INVS: variants seen among roughly 807,000 people sequenced by gnomAD.
INVS encodes the protein inversin, also known as inversion of embryo turning homolog.
In INVS, 86 loss-of-function variants were observed where a neutral mutation model predicts 108.8. The ratio of observed to expected loss-of-function variants is 0.79; its 90% CI spans 0.66 to 0.95. The LOEUF is 0.95. Ranked by LOEUF, INVS falls within the 40% of genes least tolerant of loss-of-function variation. The pLI, the probability that INVS is intolerant of heterozygous loss-of-function variation, is 0.00. For missense variants in INVS, 1,169 were observed against 1,297.4 expected, an observed-to-expected ratio of 0.90 and a Z score of 1.52; for synonymous variants, 455 against 473.5, an observed-to-expected ratio of 0.96 and a Z score of 0.51.
At chr9:100,282,241 G>A (rs1238126463) in intron 12 of INVS, among the ~76,000 whole-genome samples, 2 of 152,140 alleles carry the variant, frequency 1.3e-5, no homozygotes, top group African/African-American at 4.8e-5. Context: ...ACACTGAAAT[G>A]GCACCTGCTT....
chr9:100,291,929 A>G (rs1230040835), intron 13 of INVS, among the ~76,000 whole-genome samples: 1 of 152,208 alleles, frequency 6.6e-6, no homozygotes, highest in Non-Finnish European at 1.5e-5. Flanking sequence ...GTTCTTATGT[A>G]GATGTTAAAG....
chr9:100,134,487 A>G (rs1182515758), intron 3 of INVS, among the ~76,000 whole-genome samples: 4 of 152,180 alleles, frequency 2.6e-5, no homozygotes, highest in Non-Finnish European at 5.9e-5. Context: ...ATCAAATTGT[A>G]GTTCTACTTT....
intron 5 of INVS, among the ~76,000 whole-genome samples, chr9:100,230,494 T>C (rs1831473754): frequency 6.6e-6 from 1 of 152,150 alleles, no homozygotes. Context: ...CCCTATTCTT[T>C]CTCGCTCAAC....
rs576969422 is a variant in INVS, at chr9:100,256,641, A to C, written c.1464+3505A>C. ...TCTTTGTTCTCATTGGTTTCAAAGA[A>C]CATCTTTATTTCTGCCTTCATTTTG... On this transcript the variant is annotated intron_variant, in intron 10 of 16. Transcript: ENST00000262457. Among the ~76,000 whole-genome samples the C allele has an allele frequency of 2.6e-5, 4 of 152,334 alleles. No homozygotes were observed. The East Asian group carries it at 7.7e-4, about 29-fold the overall frequency.
At position 100,100,737 on chromosome 9, in the gene INVS, A is replaced by ATATTATATATACATATATAATATATG. The variant is rs1826854028; in HGVS notation, c.-25+1329_-25+1330insATACATATATAATATATGTATTATAT. On this transcript the variant is annotated intron_variant, in intron 1 of 16. Coordinates refer to ENST00000262457, the MANE Select transcript of INVS (RefSeq NM_014425.5). ...TATATTATATGTACATATAATATAT[A>ATATTATATATACATATATAATATATG]TATTATATGTACATATAATATATAT... 6.9e-5 allele frequency among the ~76,000 whole-genome samples: 4 copies of ATATTATATATACATATATAATATATG among 58,206 alleles called. 2 individuals are homozygous for ATATTATATATACATATATAATATATG. Among genetic ancestry groups the ATATTATATATACATATATAATATATG allele is most frequent in the Non-Finnish European group, 1.2e-4 (4 of 34,450 alleles). 38.2% of individuals were successfully genotyped at this position (58,206 alleles called of 152,430 possible).
Position 100,297,038 on chromosome 9 carries a change from G to C in INVS, c.2908G>C (p.Glu970Gln), listed in dbSNP as rs1833811645. ...CCTCCAGGTTTGGAGGAAGGAACTG[G>C]AACTAAAATTCCCCCAAACCACTGC... ...LLLQVWRKELELKFPQTTAVS... is the reference protein window; with the variant it reads ...LLLQVWRKELQLKFPQTTAVS... Residue 970 changes from glutamate to glutamine, a missense_variant, in exon 15 of 17, where the codon GAA (glutamate) becomes CAA (glutamine). Physicochemically the swap from Glu to Gln is conservative, Grantham distance 29. This residue lies in a region of INVS where 533 missense variants were observed against 536.0 expected (regional missense o/e 0.99). Coordinates refer to ENST00000262457, the MANE Select transcript of INVS (RefSeq NM_014425.5). 1.2e-6 allele frequency: 2 copies of C among 1,613,884 alleles called. No homozygotes were observed. Among genetic ancestry groups the C allele is most frequent in the Non-Finnish European group, 1.7e-6 (2 of 1,179,964 alleles).
intron 3 of INVS, among the ~76,000 whole-genome samples, chr9:100,168,837 A>G (rs1047530785): frequency 3.3e-5 from 5 of 152,214 alleles, no homozygotes; most frequent in African/African-American, 1.2e-4. Flanking sequence ...ACTTTAAATG[A>G]CATTTTTAAG....
At chr9:100,243,824 A>C (rs1003128484) in intron 7 of INVS, among the ~76,000 whole-genome samples, 4 of 152,162 alleles carry the variant, frequency 2.6e-5, no homozygotes, top group African/African-American at 9.7e-5. Context: ...AGCCTGGCCA[A>C]CATGGTGGAA....
At chr9:100,266,258 C>G (rs1233674831) in intron 11 of INVS, among the ~76,000 whole-genome samples, 2 of 152,122 alleles carry the variant, frequency 1.3e-5, no homozygotes, top group Non-Finnish European at 2.9e-5. Flanking sequence ...GTTCTTGGAT[C>G]TTGCACAAGA....
At chr9:100,187,923 G>A (rs956996001) in intron 3 of INVS, among the ~76,000 whole-genome samples, 1 of 152,078 alleles carries the variant, frequency 6.6e-6, no homozygotes, top group Non-Finnish European at 1.5e-5. Context: ...TTTGGTGGTG[G>A]TGTTGTTTTG....
At chr9:100,288,845 C>T (rs2118745146) in intron 13 of INVS, among the ~76,000 whole-genome samples, 1 of 152,200 alleles carries the variant, frequency 6.6e-6, no homozygotes, top group East Asian at 1.9e-4. Context: ...AGGCTGGTCT[C>T]AAACTCCTGG....
chr9:100,175,512 A>G, intron 3 of INVS: 6 of 757,576 alleles, frequency 7.9e-6, no homozygotes, highest in Non-Finnish European at 1.2e-5. Flanking sequence ...CCTCCAGCAG[A>G]TGCAAGAACT....
At chr9:100,268,050 G>C (rs547640272) in intron 11 of INVS, among the ~76,000 whole-genome samples, 3 of 152,220 alleles carry the variant, frequency 2.0e-5, no homozygotes, top group Admixed American at 2.0e-4. Context: ...CCCCAAGAGA[G>C]GGTTCTTGGC....
chr9:100,110,320 G>C (rs934616471), intron 2 of INVS, among the ~76,000 whole-genome samples: 2 of 152,184 alleles, frequency 1.3e-5, no homozygotes, highest in African/African-American at 4.8e-5. Context: ...AGGAAATTGA[G>C]ATGCAGAGAG....
At chr9:100,229,537 G>A in intron 4 of INVS, 123 bp from the exon 5 acceptor site, 2 of 805,448 alleles carry the variant, frequency 2.5e-6, no homozygotes, top group Non-Finnish European at 4.3e-6. Flanking sequence ...ATCATGAAAA[G>A]TGAAAACAAA....
At chr9:100,253,181 G>C in intron 10 of INVS, 45 bp downstream of exon 10, 1 of 1,448,310 alleles carries the variant, frequency 6.9e-7, no homozygotes. Context: ...AAAGAATTTA[G>C]AGTATTTCTT....
At chr9:100,202,404 T>C (rs1346068398) in intron 3 of INVS, among the ~76,000 whole-genome samples, 4 of 152,196 alleles carry the variant, frequency 2.6e-5, no homozygotes, top group African/African-American at 9.6e-5. Context: ...GCAGAGGGAA[T>C]AGAGTGAGCA....
At chr9:100,132,223 A>G (rs1261739900) in intron 3 of INVS, among the ~76,000 whole-genome samples, 1 of 75,066 alleles carries the variant, frequency 1.3e-5, no homozygotes, top group Non-Finnish European at 2.5e-5. Flanking sequence ...TATTTAAGGA[A>G]TACATGAATG....
intron 3 of INVS, among the ~76,000 whole-genome samples, chr9:100,188,855 T>G (rs921289025): frequency 1.3e-5 from 2 of 152,040 alleles, no homozygotes; most frequent in Non-Finnish European, 2.9e-5. Context: ...ATTTTTAAAA[T>G]TACTGAGTCA....
Sources: gnomAD v4.1 joint callset for allele counts (sites outside exome capture counted in the v4.1 genomes callset) on GRCh38, gnomAD v4.1.1 for gene constraint, gnomAD v4.1.1 regional missense constraint, MANE v1.5 for transcripts, NCBI Gene and HGNC (gene_info 2026-07-23, HGNC 2026-07-21) for gene names.